MTHFD1L: variants seen among roughly 807,000 people sequenced by gnomAD.
The protein encoded by MTHFD1L is monofunctional C1-tetrahydrofolate synthase, mitochondrial.
Under a neutral mutation model 119.5 loss-of-function variants are expected in MTHFD1L, and 81 were observed. The ratio of observed to expected loss-of-function variants is 0.68; its 90% CI spans 0.57 to 0.82. The LOEUF is 0.82. MTHFD1L is among the 40% of genes least tolerant of loss of function. The pLI is 0.00. For synonymous variants in MTHFD1L, 430 were observed against 475.2 expected (o/e 0.90, Z 1.24); for missense variants, 1,125 against 1,253.4 (o/e 0.90, Z 1.55).
At position 150,926,562 on chromosome 6, in the gene MTHFD1L, C is replaced by G. The variant is rs1275256714; in HGVS notation, c.1256+267C>G. The stretch of plus-strand genomic sequence containing the variant: ...TTATGTTGTTATTACCCCTGCTCCT[C>G]CTTGACTTTTTGAATTTCATTTTTC... On this transcript the variant is annotated intron_variant, in intron 11 of 27. Coordinates refer to ENST00000367321, the MANE Select transcript of MTHFD1L (RefSeq NM_015440.5). This position sits in a 1 kb window ranked among gnomAD's most constrained non-coding sequence, Gnocchi z 4.3. Among the ~76,000 whole-genome samples the G allele has an allele frequency of 6.6e-6, 1 of 152,182 alleles. No homozygotes were observed. Among genetic ancestry groups the G allele is most frequent in the Admixed American group, 6.5e-5 (1 of 15,278 alleles).
chr6:151,049,964 C>T (rs1444322525), intron 26 of MTHFD1L, among the ~76,000 whole-genome samples: 1 of 152,118 alleles, frequency 6.6e-6, no homozygotes, highest in Non-Finnish European at 1.5e-5. Context: ...TCCCACCCTA[C>T]ACCTTGTGGG....
chr6:151,100,277 C>A (rs1012873938), intron 27 of MTHFD1L, among the ~76,000 whole-genome samples: 1 of 152,052 alleles, frequency 6.6e-6, no homozygotes, highest in Non-Finnish European at 1.5e-5. Context: ...ACCTCGTGAT[C>A]CACCCGTGAG....
In MTHFD1L at chr6:150,918,585, G is replaced by T. The variant is rs1393802287; in HGVS notation, c.901G>T (p.Gly301Trp). The T allele has an allele frequency of 6.2e-7, 1 of 1,613,242 alleles. No homozygotes were observed. The highest frequency in any genetic ancestry group is 2.2e-5 in the East Asian group (1 of 44,870). Residue 301 changes from glycine (G) to tryptophan (W), a missense_variant, in exon 9 of 28, where the codon GGG becomes TGG. Physicochemically the swap from Gly to Trp is radical, Grantham distance 184 (BLOSUM62 -2). Coordinates refer to ENST00000367321, the MANE Select transcript of MTHFD1L (RefSeq NM_015440.5). ...CSHDFLSGKV[G>W]CGSPRIHFGG... ...CCTCCAATTTTTTACAGGGAAGGTTGGGTGTGGCTCTCCAAGAATACATTT... is the reference window on the plus strand; with the variant it reads ...CCTCCAATTTTTTACAGGGAAGGTTTGGTGTGGCTCTCCAAGAATACATTT...
At chr6:150,950,014 T>C (rs1794612255) in intron 16 of MTHFD1L, among the ~76,000 whole-genome samples, 1 of 152,188 alleles carries the variant, frequency 6.6e-6, no homozygotes, top group African/African-American at 2.4e-5. Flanking sequence ...CTCATTTACC[T>C]CTTTATGCTC....
rs942411275 is a variant in MTHFD1L, at chr6:150,885,879, T to C, written c.643+145T>C. 1.1e-5 allele frequency: 7 copies of C among 616,434 alleles called. No individual in the cohort carries two copies. The African/African-American group carries it at 1.3e-4, about 11-fold the overall frequency. The allele number at this position is 616,434 out of a possible 1,614,324, so 38.2% of individuals were successfully genotyped here. ...TTAGGATGTTTCTAGAAGATTCTAA[T>C]TGAACATAGAAGTGATATTTCACGT... is the stretch of plus-strand genomic sequence containing the variant. On this transcript the variant is annotated intron_variant, in intron 6 of 27. Coordinates refer to ENST00000367321, the MANE Select transcript of MTHFD1L (RefSeq NM_015440.5).
chr6:151,020,918 G>A (rs510957), intron 24 of MTHFD1L, among the ~76,000 whole-genome samples: 79,740 of 152,060 alleles, frequency 0.52, 22,750 homozygotes, highest in African/African-American at 0.75. Flanking sequence ...TCCTCCATAC[G>A]TTCTTCCAGG....
At chr6:151,044,295 CT>C (rs1182412170) in intron 26 of MTHFD1L, among the ~76,000 whole-genome samples, 1,493 of 138,412 alleles carry the variant, frequency 0.011, 15 homozygotes, top group African/African-American at 0.033. Flanking sequence ...TGGGTACATT[CT>C]TTTTTTTTTT....
chr6:150,926,331 A>C lies in MTHFD1L; in HGVS notation c.1256+36A>C. 6.4e-7 allele frequency: 1 copy of C among 1,572,238 alleles called. No individual in the cohort carries two copies. Among genetic ancestry groups the C allele is most frequent in the Non-Finnish European group, 8.7e-7 (1 of 1,149,264 alleles). On this transcript the variant is annotated intron_variant, in intron 11 of 27. Coordinates refer to ENST00000367321, the MANE Select transcript of MTHFD1L (RefSeq NM_015440.5). The surrounding 1 kb of genome is among the most constrained non-coding windows in gnomAD (Gnocchi z 4.3). ...ATCTAACATCTACTTGATCAAGCAG[A>C]CATATTTACAAAACTCTTCCCTATT...
intron 8 of MTHFD1L, chr6:150,912,517 G>A (rs568889909): frequency 3.9e-4 from 105 of 271,018 alleles, no homozygotes; most frequent in South Asian, 2.1e-3. Context: ...TGGCATGAAG[G>A]CTGAAGAATT....
At chr6:150,872,077 T>C (rs1311767633) in intron 1 of MTHFD1L, among the ~76,000 whole-genome samples, 4 of 139,998 alleles carry the variant, frequency 2.9e-5, no homozygotes, top group Admixed American at 7.2e-5. Context: ...GGGGTTTCAC[T>C]ATGTTGGCCA....
At chr6:150,932,250 G>A (rs937655137) in intron 11 of MTHFD1L, among the ~76,000 whole-genome samples, 1 of 151,434 alleles carries the variant, frequency 6.6e-6, no homozygotes, top group African/African-American at 2.4e-5. Flanking sequence ...TGATAGCGGT[G>A]CAAAGAGGGT....
chr6:150,944,561 A>G lies in MTHFD1L; in HGVS notation c.1516A>G (p.Arg506Gly). The change falls in exon 14 of 28, where the codon AGG (arginine) becomes GGG (glycine). Residue 506 changes from arginine to glycine, a missense_variant. Physicochemically the swap from Arg to Gly is moderately radical, Grantham distance 125 (BLOSUM62 -2). Around this residue, in one of 3 missense-constraint regions of MTHFD1L, gnomAD observed 1,058 missense variants for 1,151.2 expected, o/e 0.92. Coordinates refer to ENST00000367321, the MANE Select transcript of MTHFD1L (RefSeq NM_015440.5). Reference protein sequence around the residue: ...NNLLAAAIDTRILHENTQTDK... With the variant: ...NNLLAAAIDTGILHENTQTDK... ...CTTGCTGGCTGCCGCCATCGACACG[A>G]GGATTCTTCATGAAAACACGCAAAC... The G allele has an allele frequency of 6.2e-7, 1 of 1,614,032 alleles. No individual in the cohort carries two copies. The highest frequency in any genetic ancestry group is 1.1e-5 in the South Asian group (1 of 90,946).
At chr6:151,085,542 G>C (rs997865482) in intron 26 of MTHFD1L, among the ~76,000 whole-genome samples, 1 of 152,116 alleles carries the variant, frequency 6.6e-6, no homozygotes, top group Non-Finnish European at 1.5e-5. Flanking sequence ...AAGCCGAGGC[G>C]GGTGGATCAC....
chr6:150,957,078 C>G (rs1463910437), intron 17 of MTHFD1L, among the ~76,000 whole-genome samples: 1 of 152,206 alleles, frequency 6.6e-6, no homozygotes, highest in Non-Finnish European at 1.5e-5. Flanking sequence ...AGCATTCTTG[C>G]TTTTCATGTT....
chr6:151,028,126 G>A (rs1054102793), intron 24 of MTHFD1L, among the ~76,000 whole-genome samples: 5 of 152,122 alleles, frequency 3.3e-5, no homozygotes, highest in South Asian at 2.1e-4. Flanking sequence ...AAGCAGGGCC[G>A]CCCAGTTGGG....
At chr6:151,099,715 A>G (rs895012311) in intron 27 of MTHFD1L, 90 of 1,610,520 alleles carry the variant, frequency 5.6e-5, no homozygotes, top group Middle Eastern at 1.7e-4. Context: ...TGGGAGCAAC[A>G]AAAAAACAAA....
At chr6:150,880,278 C>T (rs1308115941) in intron 4 of MTHFD1L, among the ~76,000 whole-genome samples, 1 of 152,180 alleles carries the variant, frequency 6.6e-6, no homozygotes, top group East Asian at 1.9e-4. Flanking sequence ...CCTCTCCAGC[C>T]TCTGGTAACC....
intron 7 of MTHFD1L, among the ~76,000 whole-genome samples, chr6:150,890,268 A>G (rs1783016498): frequency 6.7e-6 from 1 of 149,288 alleles, no homozygotes; most frequent in Middle Eastern, 3.2e-3. Context: ...TCAGAGCAGC[A>G]TGTTTATAGT....
intron 26 of MTHFD1L, among the ~76,000 whole-genome samples, chr6:151,060,810 C>T (rs916886945): frequency 6.9e-6 from 1 of 145,064 alleles, no homozygotes; most frequent in Non-Finnish European, 1.5e-5. Flanking sequence ...GAGTCAGGAC[C>T]TGGGGATTTT....
Sources: gnomAD v4.1 joint callset for allele counts (sites outside exome capture counted in the v4.1 genomes callset) on GRCh38, gnomAD v4.1.1 for gene constraint, gnomAD v4.1.1 regional missense constraint, Gnocchi (gnomAD v3.1) non-coding constraint, MANE v1.5 for transcripts, NCBI Gene and HGNC (gene_info 2026-07-23, HGNC 2026-07-21) for gene names.